PCDH9: variants seen among roughly 807,000 people sequenced by gnomAD.
PCDH9 encodes the protein protocadherin 9.
PCDH9 carries 24 observed loss-of-function variants against 70.6 expected under a neutral mutation model. The ratio of observed to expected loss-of-function variants is 0.34; its 90% confidence interval spans 0.25 to 0.48. PCDH9 has a LOEUF of 0.48. Ranked by LOEUF, PCDH9 falls within the 20% of genes least tolerant of loss-of-function variation. PCDH9 has a pLI of 0.99. For synonymous variants in PCDH9, 562 were observed against 558.5 expected (o/e 1.01, Z -0.09); for missense variants, 1,281 against 1,503.6 (o/e 0.85, Z 2.45).
At chr13:67,182,205 G>A (rs2088634605) in intron 2 of PCDH9, among the ~76,000 whole-genome samples, 1 of 152,144 alleles carries the variant, frequency 6.6e-6, no homozygotes. Flanking sequence ...TAGATGCCTA[G>A]TAGACATTTT....
chr13:66,584,485 G>A (rs750362411), intron 4 of PCDH9, among the ~76,000 whole-genome samples: 8 of 152,140 alleles, frequency 5.3e-5, no homozygotes, highest in Non-Finnish European at 8.8e-5. Flanking sequence ...GAACAAAGTC[G>A]ATAAACATTA....
chr13:66,733,042 C>T (rs1429603394), intron 3 of PCDH9, among the ~76,000 whole-genome samples: 1 of 151,972 alleles, frequency 6.6e-6, no homozygotes. Flanking sequence ...CGTATTTTAA[C>T]AGCAACAAGT....
chr13:66,313,712 C>T (rs924562803), intron 4 of PCDH9, among the ~76,000 whole-genome samples: 2 of 152,106 alleles, frequency 1.3e-5, no homozygotes, highest in African/African-American at 2.4e-5. Context: ...TGGTCTCTGA[C>T]AATTTGTACC....
chr13:66,345,214 A>G (rs906827632), intron 4 of PCDH9, among the ~76,000 whole-genome samples: 1 of 152,110 alleles, frequency 6.6e-6, no homozygotes, highest in African/African-American at 2.4e-5. Flanking sequence ...TTCCAGGCCT[A>G]TTTAGGAATA....
At chr13:66,455,425 T>C (rs1414161413) in intron 4 of PCDH9, among the ~76,000 whole-genome samples, 1 of 152,030 alleles carries the variant, frequency 6.6e-6, no homozygotes, top group Non-Finnish European at 1.5e-5. Context: ...GAGGTTCTAT[T>C]AAAAACATTC....
chr13:66,706,501 C>T (rs1286953930), intron 3 of PCDH9, among the ~76,000 whole-genome samples: 2 of 152,168 alleles, frequency 1.3e-5, no homozygotes, highest in Non-Finnish European at 2.9e-5. Context: ...ACAAGTACAC[C>T]TGGTAAATAT....
rs1380659940 is a variant in PCDH9 at position 66,405,633 on chromosome 13, G to A, written c.3341-100605C>T. 2.0e-5 allele frequency among the ~76,000 whole-genome samples: 3 copies of A among 152,154 alleles called. No homozygotes were observed. The East Asian group carries it at 5.8e-4, about 29-fold the overall frequency. ...TTACATTGCTACAGAGGGTGACTGA[G>A]CATGAACCAAAGGCTGCGTTAAAGA... On this transcript the variant is annotated intron_variant, in intron 4 of 4. Transcript: ENST00000377865.
At chr13:66,463,139 T>A (rs1280783419) in intron 4 of PCDH9, among the ~76,000 whole-genome samples, 1 of 151,958 alleles carries the variant, frequency 6.6e-6, no homozygotes, top group African/African-American at 2.4e-5. Context: ...TGATACTTTG[T>A]AAGGAAGAGA....
At chr13:67,175,847 T>C (rs2088436297) in intron 2 of PCDH9, among the ~76,000 whole-genome samples, 1 of 152,162 alleles carries the variant, frequency 6.6e-6, no homozygotes, top group Admixed American at 6.6e-5. Flanking sequence ...CAGCATTCTT[T>C]AGATTTTAGA....
intron 4 of PCDH9, among the ~76,000 whole-genome samples, chr13:66,453,454 G>A (rs960692433): frequency 2.6e-5 from 4 of 151,954 alleles, no homozygotes; most frequent in African/African-American, 9.7e-5. Flanking sequence ...TTTTCTTTTT[G>A]CAGGTCCCCA....
intron 4 of PCDH9, among the ~76,000 whole-genome samples, chr13:66,349,905 G>C (rs552416148): frequency 3.8e-4 from 58 of 152,268 alleles, no homozygotes; most frequent in African/African-American, 1.4e-3. Flanking sequence ...TGACTTTATA[G>C]ATATTATAAC....
intron 2 of PCDH9, among the ~76,000 whole-genome samples, chr13:66,947,181 A>T (rs1359019179): frequency 6.6e-6 from 1 of 152,126 alleles, no homozygotes; most frequent in African/African-American, 2.4e-5. Flanking sequence ...AATTCTTTGA[A>T]ATTTTTCATT....
intron 2 of PCDH9, among the ~76,000 whole-genome samples, chr13:66,924,336 CTATTT>C (rs2082683564): frequency 6.6e-6 from 1 of 151,718 alleles, no homozygotes; most frequent in Non-Finnish European, 1.5e-5. Flanking sequence ...TAAAATATTC[CTATTT>C]TAAAGTATTC....
intron 2 of PCDH9, among the ~76,000 whole-genome samples, chr13:66,907,860 C>T (rs530804838): frequency 6.6e-6 from 1 of 152,096 alleles, no homozygotes; most frequent in Non-Finnish European, 1.5e-5. Context: ...ATAGCACTTT[C>T]ATAGAAGTTT....
At position 66,305,039 on chromosome 13, in the gene PCDH9, CAAGA is replaced by C. The variant is rs1566229323; in HGVS notation, c.3341-15_3341-12del. On this transcript the variant is annotated splice_polypyrimidine_tract_variant and intron_variant, in intron 4 of 4. Coordinates refer to ENST00000377865, the MANE Select transcript of PCDH9 (RefSeq NM_203487.3). ...GACCCAAAGGCCCATCTGCAGAAGA[CAAGA>C]GAGAGAAAATAAGAAAAGGAAGTGG... 1 of 1,567,010 alleles carries C rather than the reference CAAGA, an allele frequency of 6.4e-7. No homozygotes were observed. Among genetic ancestry groups the C allele is most frequent in the African/African-American group, 1.4e-5 (1 of 72,818 alleles).
At chr13:66,543,506 G>T (rs187302746) in intron 4 of PCDH9, among the ~76,000 whole-genome samples, 1 of 152,044 alleles carries the variant, frequency 6.6e-6, no homozygotes, top group Non-Finnish European at 1.5e-5. Flanking sequence ...GGTTGAGGTT[G>T]CAGTGAGCTG....
chr13:67,227,027 G>T lies in PCDH9; in HGVS notation c.1414C>A (p.Pro472Thr). The T allele has an allele frequency of 6.2e-7, 1 of 1,614,104 alleles. No homozygotes were observed. Among genetic ancestry groups the T allele is most frequent in the Non-Finnish European group, 8.5e-7 (1 of 1,180,010 alleles). The change falls in exon 2 of 5, where the codon CCT becomes ACT. Residue 472 changes from proline (P) to threonine (T), a missense_variant. Physicochemically the swap from Pro to Thr is conservative, Grantham distance 38. Coordinates refer to ENST00000377865, the MANE Select transcript of PCDH9 (RefSeq NM_203487.3). This position sits in a 1 kb window ranked among gnomAD's most constrained non-coding sequence, Gnocchi z 4.6. ...ENDNPPIFNQ[P>T]VIELSVSENN... Reference sequence around the variant, plus strand: ...TCAGAAACTGACAGCTCAATTACAGGCTGGTTGAAAATTGGTGGGTTGTCA... The same window carrying T: ...TCAGAAACTGACAGCTCAATTACAGTCTGGTTGAAAATTGGTGGGTTGTCA...
At chr13:66,555,947 A>G (rs985226993) in intron 4 of PCDH9, among the ~76,000 whole-genome samples, 11 of 148,290 alleles carry the variant, frequency 7.4e-5, no homozygotes, top group Non-Finnish European at 1.6e-4. Flanking sequence ...CATATTATAT[A>G]TATAAGATAT....
At chr13:66,776,494 T>C (rs9571668) in intron 3 of PCDH9, among the ~76,000 whole-genome samples, 53,933 of 147,912 alleles carry the variant, frequency 0.36, 10,192 homozygotes, top group East Asian at 0.57. Flanking sequence ...AACAGACAAA[T>C]AGAGAGCCAA....
Sources: allele counts gnomAD v4.1 joint callset (sites outside exome capture counted in the v4.1 genomes callset), GRCh38; gene constraint gnomAD v4.1.1; non-coding constraint Gnocchi (gnomAD v3.1); transcripts MANE v1.5; gene names NCBI Gene and HGNC (gene_info 2026-07-23, HGNC 2026-07-21).